ANKRD44: variants seen among roughly 807,000 people sequenced by gnomAD.
ANKRD44 encodes the protein serine/threonine-protein phosphatase 6 regulatory ankyrin repeat subunit B.
A neutral mutation model predicts 116.0 loss-of-function variants in ANKRD44; 35 were observed. That is an observed-to-expected ratio of 0.30 (90% confidence interval 0.23 to 0.40). The LOEUF (loss-of-function observed/expected upper bound fraction) is 0.40, where lower values mean the gene tolerates loss of function less well. Ranked by LOEUF, ANKRD44 falls within the 10% of genes least tolerant of loss-of-function variation. ANKRD44 has a pLI of 1.00. For synonymous variants in ANKRD44, 435 were observed against 461.8 expected (o/e 0.94, Z 0.74); for missense variants, 1,014 against 1,242.6 (o/e 0.82, Z 2.77).
At chr2:197,167,238 T>C (rs2080119775) in intron 2 of ANKRD44, among the ~76,000 whole-genome samples, 1 of 152,214 alleles carries the variant, frequency 6.6e-6, no homozygotes, top group African/African-American at 2.4e-5. Flanking sequence ...AAAAAAAGTC[T>C]TTTTGAACAC....
At chr2:197,052,603 C>T (rs760169434) in intron 16 of ANKRD44, among the ~76,000 whole-genome samples, 4 of 152,002 alleles carry the variant, frequency 2.6e-5, no homozygotes, top group Non-Finnish European at 5.9e-5. Context: ...ACCTAAGAAG[C>T]ATTAATTTGT....
chr2:197,106,814 T>G (rs1337472367), intron 9 of ANKRD44, among the ~76,000 whole-genome samples: 3 of 130,800 alleles, frequency 2.3e-5, no homozygotes, highest in Admixed American at 7.1e-5. Flanking sequence ...ATATTTTTTT[T>G]TTTTTTTCAG....
At chr2:197,204,292 G>A (rs2081158633) in intron 1 of ANKRD44, among the ~76,000 whole-genome samples, 1 of 152,022 alleles carries the variant, frequency 6.6e-6, no homozygotes, top group Admixed American at 6.6e-5. Flanking sequence ...TTATAAAAAT[G>A]CTAAACAGGG....
chr2:197,149,784 C>T (rs2079595771), intron 2 of ANKRD44, among the ~76,000 whole-genome samples: 1 of 152,198 alleles, frequency 6.6e-6, no homozygotes, highest in Non-Finnish European at 1.5e-5. Context: ...CCACAGTAAT[C>T]ACCATGCTGG....
chr2:197,047,208 C>T (rs566539904), intron 16 of ANKRD44, among the ~76,000 whole-genome samples: 70 of 152,128 alleles, frequency 4.6e-4, no homozygotes, highest in African/African-American at 1.7e-3. Flanking sequence ...TCAGTAGAGA[C>T]GAGGTTTCTC....
intron 16 of ANKRD44, among the ~76,000 whole-genome samples, chr2:197,061,775 A>T: frequency 7.5e-6 from 1 of 132,612 alleles, no homozygotes. Flanking sequence ...TGAAAGTAAT[A>T]TCCATGCCTT....
At chr2:197,189,956 C>T (rs12466392) in intron 1 of ANKRD44, among the ~76,000 whole-genome samples, 84,908 of 152,000 alleles carry the variant, frequency 0.56, 27,960 homozygotes, top group East Asian at 0.88. Context: ...CAAGCTATGG[C>T]TGGAATGTTA....
At chr2:197,309,276 C>A (rs1240225330) in intron 1 of ANKRD44, among the ~76,000 whole-genome samples, 1 of 152,206 alleles carries the variant, frequency 6.6e-6, no homozygotes, top group Non-Finnish European at 1.5e-5. Context: ...CTTTTAAATG[C>A]TCTGGAACCA....
chr2:197,140,017 T>C (rs947338365), intron 3 of ANKRD44, among the ~76,000 whole-genome samples: 6 of 151,352 alleles, frequency 4.0e-5, no homozygotes, highest in African/African-American at 1.2e-4. Flanking sequence ...GTAGCTGGGA[T>C]TACAGGTACC....
intron 1 of ANKRD44, among the ~76,000 whole-genome samples, chr2:197,231,640 C>A (rs895136382): frequency 6.6e-6 from 1 of 151,568 alleles, no homozygotes; most frequent in African/African-American, 2.4e-5. Context: ...GGTGCAACAG[C>A]CATCTAGTAG....
chr2:197,106,803 T>TAC (rs2078440338), intron 9 of ANKRD44, among the ~76,000 whole-genome samples: 1 of 81,726 alleles, frequency 1.2e-5, no homozygotes, highest in South Asian at 4.2e-4. Flanking sequence ...TATATATATA[T>TAC]ATATTTTTTT....
intron 1 of ANKRD44, among the ~76,000 whole-genome samples, chr2:197,276,002 G>T (rs576603624): frequency 6.6e-6 from 1 of 152,084 alleles, no homozygotes; most frequent in South Asian, 2.1e-4. Flanking sequence ...CTAGCCGGGC[G>T]CAGTGGCTCA....
chr2:197,254,454 A>C (rs1208475442), intron 1 of ANKRD44, among the ~76,000 whole-genome samples: 1 of 152,146 alleles, frequency 6.6e-6, no homozygotes, highest in African/African-American at 2.4e-5. Flanking sequence ...GTACTTTCTG[A>C]ACTATCCTAC....
At position 197,290,797 on chromosome 2, in the gene ANKRD44, G is replaced by GTTTGTTT. The variant is rs1363196778; in HGVS notation, c.27+19774_27+19780dup. Among the ~76,000 whole-genome samples, 18 of 148,926 alleles carry GTTTGTTT rather than the reference G, an allele frequency of 1.2e-4. No homozygotes were observed. The East Asian group carries it at 2.5e-3, about 21-fold the overall frequency. On this transcript the variant is annotated intron_variant, in intron 1 of 27. Transcript: ENST00000282272. ...TGTAAGATAATCAGTTTTTTTGTTT[G>GTTTGTTT]TTTGTTTTTTGTTTTTTGTTTTTGT...
Position 197,027,126 on chromosome 2 carries a change from C to A in ANKRD44, c.1651-1859G>T, listed in dbSNP as rs76685778. ...CTGTAATCCCAGCACTTTGGGAGAC[C>A]GAAGTGGGAAGATCACTTGAGCTCA... is the stretch of plus-strand genomic sequence containing the variant. On this transcript the variant is annotated intron_variant, in intron 16 of 27. Transcript: ENST00000282272. Among the ~76,000 whole-genome samples, 1,534 of 151,930 alleles carry A rather than the reference C, an allele frequency of 0.01. 78 individuals are homozygous for A. The East Asian group carries it at 0.14, about 14-fold the overall frequency.
At chr2:197,068,979 C>T (rs2077502243) in intron 16 of ANKRD44, among the ~76,000 whole-genome samples, 1 of 152,186 alleles carries the variant, frequency 6.6e-6, no homozygotes, top group South Asian at 2.1e-4. Context: ...AATCATGCTG[C>T]TATAAAGACA....
At chr2:197,209,515 C>T (rs983881933) in intron 1 of ANKRD44, among the ~76,000 whole-genome samples, 2 of 152,160 alleles carry the variant, frequency 1.3e-5, no homozygotes, top group Non-Finnish European at 2.9e-5. Flanking sequence ...ATACTCTTTT[C>T]CATCTTGAAT....
intron 2 of ANKRD44, among the ~76,000 whole-genome samples, chr2:197,170,782 G>A (rs1009435742): frequency 6.6e-6 from 1 of 152,182 alleles, no homozygotes; most frequent in Admixed American, 6.5e-5. Context: ...ATTAGAGTAG[G>A]CAGCAGTGAG....
chr2:197,274,241 C>A (rs759463751), intron 1 of ANKRD44, among the ~76,000 whole-genome samples: 2 of 151,972 alleles, frequency 1.3e-5, no homozygotes, highest in African/African-American at 2.4e-5. Context: ...AGTGAAAATT[C>A]TCTCAGCCTC....
Sources: gnomAD v4.1 joint callset for allele counts (sites outside exome capture counted in the v4.1 genomes callset) on GRCh38, gnomAD v4.1.1 for gene constraint, MANE v1.5 for transcripts, NCBI Gene and HGNC (gene_info 2026-07-23, HGNC 2026-07-21) for gene names.